CACNA1I: variants seen among roughly 807,000 people sequenced by gnomAD.
The protein encoded by CACNA1I is calcium voltage-gated channel subunit alpha1 I, also known as voltage-dependent T-type calcium channel subunit alpha-1I.
In CACNA1I, 74 loss-of-function variants were observed where a neutral mutation model predicts 201.6. The observed-to-expected ratio is 0.37, with a 90% CI of 0.30 to 0.45. CACNA1I has a LOEUF of 0.45. CACNA1I is among the 20% of genes least tolerant of loss of function. The pLI is 1.00. For missense variants in CACNA1I, 2,346 were observed against 3,138.1 expected (o/e 0.75, Z 6.03); for synonymous variants, 1,431 against 1,345.2 (o/e 1.06, Z -1.40).
At chr22:39,602,553 G>GTAGA (rs1933099653) in intron 3 of CACNA1I, among the ~76,000 whole-genome samples, 1 of 152,004 alleles carries the variant, frequency 6.6e-6, no homozygotes, top group Non-Finnish European at 1.5e-5. Context: ...TCTTTAAGTA[G>GTAGA]TTTTTTTTTA....
chr22:39,649,630 G>T lies in CACNA1I; in HGVS notation c.1697G>T (p.Gly566Val), dbSNP rs1377508619. 9.1e-6 allele frequency: 14 copies of T among 1,530,338 alleles called. No individual in the cohort carries two copies. Among genetic ancestry groups the T allele is most frequent in the Non-Finnish European group, 1.1e-5 (13 of 1,137,094 alleles). 94.8% of individuals were successfully genotyped at this position (1,530,338 alleles called of 1,614,324 possible). Residue 566 changes from glycine (G) to valine (V), a missense_variant, in exon 10 of 37, where the codon GGC (glycine) becomes GTC (valine). Gly to Val is a moderately radical substitution (Grantham distance 109, BLOSUM62 -3). Transcript: ENST00000402142. The surrounding 1 kb of genome is among the most constrained non-coding windows in gnomAD (Gnocchi z 7.3). ...CQHEDGRRPS[G>V]LGSTDSGQEG... ...CATGAGGACGGCCGGCGGCCCTCGG[G>T]CCTGGGCAGCACCGACTCGGGCCAG... is the stretch of plus-strand genomic sequence containing the variant.
At chr22:39,626,631 T>G (rs1933908024) in intron 4 of CACNA1I, among the ~76,000 whole-genome samples, 1 of 152,092 alleles carries the variant, frequency 6.6e-6, no homozygotes, top group South Asian at 2.1e-4. Flanking sequence ...GGAGTCTTGC[T>G]CTGTTGCCAG....
chr22:39,590,094 G>A (rs1932804553), intron 1 of CACNA1I, among the ~76,000 whole-genome samples: 1 of 152,150 alleles, frequency 6.6e-6, no homozygotes, highest in African/African-American at 2.4e-5. Context: ...AGAGGAGGCT[G>A]CCCTGCAGGG....
intron 4 of CACNA1I, among the ~76,000 whole-genome samples, chr22:39,622,928 AG>A (rs1322111105): frequency 6.6e-6 from 1 of 152,218 alleles, no homozygotes; most frequent in Non-Finnish European, 1.5e-5. Context: ...GTCACACTCC[AG>A]GCCACGGAGC....
rs1171012070 is a variant in CACNA1I, at chr22:39,663,842, G to A, written c.3597+1G>A. On this transcript the variant is annotated splice_donor_variant, in intron 19 of 36. Transcript: ENST00000402142. LOFTEE classifies it high-confidence loss of function. ...GCCTCAGATCGAGGCCGGCAGCACC[G>A]TGAGTGGCTGTAGCCTTTGGGCAGG... 2 of 1,613,408 alleles carry A rather than the reference G, an allele frequency of 1.2e-6. No homozygotes were observed. Among genetic ancestry groups the A allele is most frequent in the Admixed American group, 1.7e-5 (1 of 60,020 alleles).
At chr22:39,634,769 T>C (rs765248586) in intron 5 of CACNA1I, 45 bp downstream of exon 5, 7 of 1,578,916 alleles carry the variant, frequency 4.4e-6, no homozygotes, top group Admixed American at 3.4e-5. Context: ...GGACTCTTAC[T>C]AAGACACAGT....
Position 39,649,947 on chromosome 22 carries a change from C to A in CACNA1I, c.1992+22C>A. ...GCAGGCCAGTGCAGCGCAGCCGGGCCGGGCCTGCGGGAGAGGTGTGAGGGC... is the reference window on the plus strand; with the variant it reads ...GCAGGCCAGTGCAGCGCAGCCGGGCAGGGCCTGCGGGAGAGGTGTGAGGGC... On this transcript the variant is annotated intron_variant, in intron 10 of 36. Coordinates refer to ENST00000402142, the MANE Select transcript of CACNA1I (RefSeq NM_021096.4). The surrounding 1 kb of genome is among the most constrained non-coding windows in gnomAD (Gnocchi z 7.3). 6.2e-7 allele frequency: 1 copy of A among 1,611,338 alleles called. No individual in the cohort carries two copies. The highest frequency in any genetic ancestry group is 8.5e-7 in the Non-Finnish European group (1 of 1,178,858).
chr22:39,663,894 G>A (rs564404430), intron 19 of CACNA1I, 53 bp downstream of exon 19: 40 of 1,607,966 alleles, frequency 2.5e-5, no homozygotes, highest in East Asian at 6.7e-5. Context: ...GGGACAGCTC[G>A]CCAGGGCTGA....
intron 10 of CACNA1I, among the ~76,000 whole-genome samples, chr22:39,653,392 G>A (rs780988623): frequency 1.3e-5 from 2 of 152,218 alleles, no homozygotes; most frequent in Non-Finnish European, 2.9e-5. Context: ...GGGCCCGCTG[G>A]TATTTTTGCT....
At position 39,634,550 on chromosome 22, in the gene CACNA1I, C is replaced by A. The variant is rs369203675; in HGVS notation, c.581-15C>A. ...GCTCCCTGTCTGACCATCCCTCCACCTTTTCCCCTCCCAGGTATGCGGATC... is the reference window on the plus strand; with the variant it reads ...GCTCCCTGTCTGACCATCCCTCCACATTTTCCCCTCCCAGGTATGCGGATC... On this transcript the variant is annotated splice_polypyrimidine_tract_variant and intron_variant, in intron 4 of 36. Coordinates refer to ENST00000402142, the MANE Select transcript of CACNA1I (RefSeq NM_021096.4). 1 of 1,613,624 alleles carries A rather than the reference C, an allele frequency of 6.2e-7. No individual in the cohort carries two copies. The highest frequency in any genetic ancestry group is 1.3e-5 in the African/African-American group (1 of 74,908).
intron 32 of CACNA1I, 102 bp from the exon 33 acceptor site, chr22:39,679,620 C>T (rs1038036335): frequency 1.6e-5 from 19 of 1,207,012 alleles, no homozygotes; most frequent in Non-Finnish European, 1.8e-5. Context: ...AGGCCATGGG[C>T]GCAGAGAACC....
intron 3 of CACNA1I, among the ~76,000 whole-genome samples, chr22:39,606,807 C>T (rs187874732): frequency 1.8e-4 from 27 of 152,384 alleles, no homozygotes; most frequent in Non-Finnish European, 3.7e-4. Flanking sequence ...GCTGGGATTA[C>T]AGGCATGAGT....
At chr22:39,607,985 T>C (rs1985589702) in intron 3 of CACNA1I, among the ~76,000 whole-genome samples, 1 of 151,418 alleles carries the variant, frequency 6.6e-6, no homozygotes, top group African/African-American at 2.4e-5. Context: ...CTGGGCGTGG[T>C]GGCAGACACC....
chr22:39,637,249 G>A (rs894307762), intron 5 of CACNA1I, among the ~76,000 whole-genome samples: 2 of 152,180 alleles, frequency 1.3e-5, no homozygotes, highest in African/African-American at 2.4e-5. Context: ...AGCCCAGAGC[G>A]GGTACAAGAC....
Position 39,659,173 on chromosome 22 carries a change from G to T in CACNA1I, c.2330+57G>T, listed in dbSNP as rs976363624. On this transcript the variant is annotated intron_variant, in intron 12 of 36. Coordinates refer to ENST00000402142, the MANE Select transcript of CACNA1I (RefSeq NM_021096.4). The surrounding 1 kb of genome is among the most constrained non-coding windows in gnomAD (Gnocchi z 4.3). ...GCACCTGCTGGGGCTGTGGGCGGGA[G>T]CCTGGGGGATGTGGTCCACTGTGCT... is the stretch of plus-strand genomic sequence containing the variant. The T allele has an allele frequency of 2.5e-5, 40 of 1,594,178 alleles. No individual in the cohort carries two copies. The highest frequency in any genetic ancestry group is 3.4e-5 in the Non-Finnish European group (40 of 1,171,412).
chr22:39,684,493 C>T lies in CACNA1I; in HGVS notation c.6022C>T (p.Arg2008Trp), dbSNP rs748106748. ...RSPRVNCTLL[R>W]QATGSDTSLD... ...ACCAAGGGTCAACTGTACCCTCCTC[C>T]GGCAGGTACCGACACCTCCCAGGCC... Residue 2008 changes from arginine (R) to tryptophan (W), a missense_variant, in exon 36 of 37, where the codon CGG becomes TGG. Arg to Trp is a moderately radical substitution (Grantham distance 101, BLOSUM62 -3). This residue lies in a region of CACNA1I where 441 missense variants were observed against 555.6 expected (regional missense o/e 0.79). Coordinates refer to ENST00000402142, the MANE Select transcript of CACNA1I (RefSeq NM_021096.4). The surrounding 1 kb of genome is among the most constrained non-coding windows in gnomAD (Gnocchi z 4.6). 40 of 1,612,080 alleles carry T rather than the reference C, an allele frequency of 2.5e-5. No homozygotes were observed. Among genetic ancestry groups the T allele is most frequent in the Non-Finnish European group, 3.0e-5 (35 of 1,179,454 alleles).
At position 39,653,663 on chromosome 22, in the gene CACNA1I, G is replaced by A. The variant is rs1307970927; in HGVS notation, c.1992+3738G>A. Among the ~76,000 whole-genome samples, 3 of 152,342 alleles carry A rather than the reference G, an allele frequency of 2.0e-5. No individual in the cohort carries two copies. The East Asian group carries it at 5.8e-4, about 29-fold the overall frequency. ...TGTGACACTGAGGGGCAGGAGGCGA[G>A]GGTGTGACATCTGTGAAGTGGGGCA... On this transcript the variant is annotated intron_variant, in intron 10 of 36. Coordinates refer to ENST00000402142, the MANE Select transcript of CACNA1I (RefSeq NM_021096.4).
In CACNA1I at chr22:39,684,952, C is replaced by T; in HGVS notation, c.6027+454C>T. The T allele has an allele frequency of 3.4e-6, 1 of 295,280 alleles. No homozygotes were observed. The highest frequency in any genetic ancestry group is 6.4e-6 in the Non-Finnish European group (1 of 157,180). The allele number at this position is 295,280 out of a possible 1,614,324, so 18.3% of individuals were successfully genotyped here. On this transcript the variant is annotated intron_variant, in intron 36 of 36. Coordinates refer to ENST00000402142, the MANE Select transcript of CACNA1I (RefSeq NM_021096.4). This position sits in a 1 kb window ranked among gnomAD's most constrained non-coding sequence, Gnocchi z 4.6. Reference sequence around the variant, plus strand: ...GCCTCGGGCTGCAGGGTCCCCCGTACTGGATTGGCCAGGGCCACAGCCCTC... The same window carrying T: ...GCCTCGGGCTGCAGGGTCCCCCGTATTGGATTGGCCAGGGCCACAGCCCTC...
At chr22:39,571,943 C>A (rs1040087518) in intron 1 of CACNA1I, among the ~76,000 whole-genome samples, 1 of 152,212 alleles carries the variant, frequency 6.6e-6, no homozygotes, top group Non-Finnish European at 1.5e-5. Context: ...CCAGAGCTGA[C>A]TCCTCAATAA....
Sources: gnomAD v4.1 joint callset for allele counts (sites outside exome capture counted in the v4.1 genomes callset) on GRCh38, gnomAD v4.1.1 for gene constraint, gnomAD v4.1.1 regional missense constraint, Gnocchi (gnomAD v3.1) non-coding constraint, MANE v1.5 for transcripts, NCBI Gene and HGNC (gene_info 2026-07-23, HGNC 2026-07-21) for gene names.